HERC4: variants seen among roughly 807,000 people sequenced by gnomAD.
HERC4 encodes HECT and RLD domain containing E3 ubiquitin protein ligase 4.
A neutral mutation model predicts 124.3 loss-of-function variants in HERC4; 28 were observed. The observed-to-expected ratio is 0.23, with a 90% confidence interval of 0.17 to 0.31. HERC4 has a LOEUF of 0.31. Ranked by LOEUF, HERC4 falls within the 10% of genes least tolerant of loss-of-function variation. The pLI is 1.00. For missense variants in HERC4, 713 were observed against 1,229.3 expected (o/e 0.58, Z 6.28); for synonymous variants, 407 against 421.5 (o/e 0.97, Z 0.42).
chr10:68,026,768 G>A (rs1213975987), intron 7 of HERC4, among the ~76,000 whole-genome samples: 8 of 151,890 alleles, frequency 5.3e-5, no homozygotes, highest in Admixed American at 3.3e-4. Flanking sequence ...GCCTGAACCC[G>A]GGAGGCAGAG....
chr10:68,032,945 G>A, intron 6 of HERC4, 76 bp from the exon 7 acceptor site: 1 of 771,350 alleles, frequency 1.3e-6, no homozygotes, highest in Non-Finnish European at 2.3e-6. Flanking sequence ...TCTACAGCTT[G>A]CCAAGCTCAG....
intron 3 of HERC4, among the ~76,000 whole-genome samples, chr10:68,064,643 T>C (rs369722875): frequency 4.0e-5 from 6 of 151,130 alleles, no homozygotes; most frequent in African/African-American, 7.3e-5. Flanking sequence ...TATATGTTCA[T>C]TGCAGTATTA....
At position 67,925,111 on chromosome 10, in the gene HERC4, G is replaced by A. The variant is rs376299528; in HGVS notation, c.2915C>T (p.Pro972Leu). Reference protein sequence around the residue: ...KIFWEVFHELPLEKKKQFLLF... With the variant: ...KIFWEVFHELLLEKKKQFLLF... ...CAGAAACTGTTTCTTCTTTTCCAAT[G>A]GTAATTCGTGAAATACTTCCCAAAA... is the stretch of plus-strand genomic sequence containing the variant. The change falls in exon 24 of 25, where the codon CCA becomes CTA. Residue 972 changes from proline to leucine, a missense_variant. By Grantham distance (98) the Pro-to-Leu change is moderately conservative. Transcript: ENST00000373700. 6.3e-7 allele frequency: 1 copy of A among 1,595,582 alleles called. No homozygotes were observed. Among genetic ancestry groups the A allele is most frequent in the Non-Finnish European group, 8.6e-7 (1 of 1,163,452 alleles).
chr10:68,002,699 A>G (rs1156843452), intron 9 of HERC4, among the ~76,000 whole-genome samples: 2 of 151,110 alleles, frequency 1.3e-5, no homozygotes, highest in Non-Finnish European at 2.9e-5. Flanking sequence ...CCTGGGTTCA[A>G]GCAATTCTCC....
chr10:68,069,169 T>C (rs1220808876), intron 3 of HERC4: 6 of 967,470 alleles, frequency 6.2e-6, no homozygotes, highest in Non-Finnish European at 6.1e-6. Flanking sequence ...TAAAGAAAAG[T>C]ATACTTCCCA....
intron 23 of HERC4, 63 bp downstream of exon 23, chr10:67,932,534 A>C: frequency 7.0e-7 from 1 of 1,435,548 alleles, no homozygotes; most frequent in East Asian, 2.3e-5. Context: ...AATACATAAA[A>C]AGGCAAGATT....
intron 9 of HERC4, among the ~76,000 whole-genome samples, chr10:68,008,473 T>G (rs1444636608): frequency 6.6e-6 from 1 of 152,112 alleles, no homozygotes; most frequent in African/African-American, 2.4e-5. Flanking sequence ...TCCCCAGAAA[T>G]TTGAAGGCTA....
intron 15 of HERC4, among the ~76,000 whole-genome samples, chr10:67,985,560 T>G (rs1423373066): frequency 6.6e-6 from 1 of 152,200 alleles, no homozygotes; most frequent in East Asian, 1.9e-4. Context: ...CTACATAAAA[T>G]AGTTTGAAAA....
At chr10:67,939,529 C>T (rs1217953139) in intron 21 of HERC4, 59 bp downstream of exon 21, 17 of 1,161,322 alleles carry the variant, frequency 1.5e-5, no homozygotes, top group African/African-American at 6.2e-5. Context: ...CCCTAAGACA[C>T]GGCTGTTAAA....
chr10:67,986,798 G>T (rs1228536198), intron 15 of HERC4, among the ~76,000 whole-genome samples: 1 of 152,014 alleles, frequency 6.6e-6, no homozygotes, highest in African/African-American at 2.4e-5. Context: ...CAACACAGAG[G>T]GGTTAGAAAT....
intron 15 of HERC4, among the ~76,000 whole-genome samples, chr10:67,970,083 T>C (rs2035138163): frequency 6.6e-6 from 1 of 152,182 alleles, no homozygotes; most frequent in Admixed American, 6.5e-5. Flanking sequence ...CCTCCAATGT[T>C]AGAGGCCTCA....
intron 3 of HERC4, among the ~76,000 whole-genome samples, chr10:68,067,469 T>C (rs1310974601): frequency 6.6e-6 from 1 of 152,248 alleles, no homozygotes. Flanking sequence ...TTGGTTTAAA[T>C]GTTCTGGTTC....
intron 15 of HERC4, among the ~76,000 whole-genome samples, chr10:67,971,577 C>T (rs1465984317): frequency 6.6e-6 from 1 of 151,934 alleles, no homozygotes; most frequent in African/African-American, 2.4e-5. Context: ...TGATAAAATT[C>T]AAATCCATTT....
chr10:68,032,001 C>G (rs1205645931), intron 7 of HERC4, among the ~76,000 whole-genome samples: 2 of 152,194 alleles, frequency 1.3e-5, no homozygotes, highest in African/African-American at 4.8e-5. Flanking sequence ...ATCCACCTGC[C>G]TCAGCCTCCC....
chr10:68,067,062 T>G (rs1256183016), intron 3 of HERC4: 1 of 152,622 alleles, frequency 6.6e-6, no homozygotes, highest in Admixed American at 6.5e-5. Context: ...ACCAGTCATC[T>G]GCTATTTTGA....
At chr10:68,062,745 A>C (rs1435395719) in intron 3 of HERC4, among the ~76,000 whole-genome samples, 1 of 151,882 alleles carries the variant, frequency 6.6e-6, no homozygotes, top group African/African-American at 2.4e-5. Context: ...GGGCAACAGA[A>C]TGAGACTCCA....
At position 67,954,716 on chromosome 10, in the gene HERC4, G is replaced by A; in HGVS notation, c.2216C>T (p.Ala739Val). The A allele has an allele frequency of 6.2e-7, 1 of 1,613,020 alleles. No homozygotes were observed. Among genetic ancestry groups the A allele is most frequent in the Non-Finnish European group, 8.5e-7 (1 of 1,179,492 alleles). Reference protein sequence around the residue: ...PLKVIFVGEDAVDAGGVRKEF... With the variant: ...PLKVIFVGEDVVDAGGVRKEF... ...TTTGCGCACCCCTCCTGCATCCACA[G>A]CATCTTCTCCAACAAATATAACCTA... The change falls in exon 19 of 25, where the codon GCT becomes GTT. Residue 739 changes from alanine to valine, a missense_variant. Ala to Val is a moderately conservative substitution (Grantham distance 64). Transcript: ENST00000373700.
intron 8 of HERC4, among the ~76,000 whole-genome samples, chr10:68,015,299 C>T (rs2038195865): frequency 6.6e-6 from 1 of 152,186 alleles, no homozygotes; most frequent in African/African-American, 2.4e-5. Flanking sequence ...CCTAGACTTC[C>T]AGCTCCTAGC....
chr10:67,969,742 G>C (rs1433205895), intron 15 of HERC4, among the ~76,000 whole-genome samples: 1 of 152,160 alleles, frequency 6.6e-6, no homozygotes, highest in Non-Finnish European at 1.5e-5. Context: ...CAATTGCTGG[G>C]GGAGGGAGCA....
Sources: gnomAD v4.1 joint callset for allele counts (sites outside exome capture counted in the v4.1 genomes callset) on GRCh38, gnomAD v4.1.1 for gene constraint, MANE v1.5 for transcripts, NCBI Gene and HGNC (gene_info 2026-07-23, HGNC 2026-07-21) for gene names.